The following PDE4B variants were observed in gnomAD, a reference collection of about 807,000 sequenced individuals.
The protein encoded by PDE4B is phosphodiesterase 4B.
Under a neutral mutation model 82.2 loss-of-function variants are expected in PDE4B, and 20 were observed. The observed-to-expected ratio is 0.24, with a 90% CI of 0.17 to 0.35. PDE4B has a LOEUF of 0.35. PDE4B is among the 10% of genes least tolerant of loss of function. The pLI, the probability that PDE4B is intolerant of heterozygous loss-of-function variation, is 1.00. For synonymous variants in PDE4B, 320 were observed against 318.9 expected (o/e 1.00, Z -0.04); for missense variants, 655 against 907.2 (o/e 0.72, Z 3.57).
chr1:66,043,023 G>A (rs775173439), intron 3 of PDE4B, among the ~76,000 whole-genome samples: 30 of 151,684 alleles, frequency 2.0e-4, no homozygotes, highest in Admixed American at 3.3e-4. Flanking sequence ...ATTATAAAAA[G>A]TCTAATGTGA....
chr1:66,296,424 A>G (rs2101826052), intron 7 of PDE4B, among the ~76,000 whole-genome samples: 1 of 152,266 alleles, frequency 6.6e-6, no homozygotes, highest in African/African-American at 2.4e-5. Context: ...CCTCATTGCA[A>G]TTCTTTTTCT....
chr1:66,107,472 A>C (rs975078843), intron 3 of PDE4B, among the ~76,000 whole-genome samples: 12 of 151,786 alleles, frequency 7.9e-5, no homozygotes, highest in Admixed American at 7.3e-4. Flanking sequence ...CACTTAAAAA[A>C]GGTTTTCAGC....
At chr1:66,029,283 G>A (rs1473343421) in intron 3 of PDE4B, among the ~76,000 whole-genome samples, 3 of 152,180 alleles carry the variant, frequency 2.0e-5, no homozygotes, top group East Asian at 3.9e-4. Context: ...GGGTAAGACC[G>A]GCTCCTGTGA....
rs542220077 is a variant in PDE4B at position 65,847,586 on chromosome 1, C to T, written c.-71+54338C>T. Among the ~76,000 whole-genome samples, 11 of 152,258 alleles carry T rather than the reference C, an allele frequency of 7.2e-5. No homozygotes were observed. The East Asian group carries it at 1.5e-3, about 21-fold the overall frequency. Reference sequence around the variant, plus strand: ...TATAGCAGAATGGATATCTCTAAAGCGTGGTGACCTGGTGAGTTGTCATGA... The same window carrying T: ...TATAGCAGAATGGATATCTCTAAAGTGTGGTGACCTGGTGAGTTGTCATGA... On this transcript the variant is annotated intron_variant, in intron 1 of 16. Transcript: ENST00000341517.
At chr1:66,119,489 C>A (rs970426197) in intron 3 of PDE4B, among the ~76,000 whole-genome samples, 1 of 74,750 alleles carries the variant, frequency 1.3e-5, no homozygotes, top group African/African-American at 5.4e-5. Flanking sequence ...TATTCACTTC[C>A]CAGGAGAAAT....
intron 7 of PDE4B, among the ~76,000 whole-genome samples, chr1:66,324,112 G>A (rs1344252962): frequency 6.6e-6 from 1 of 152,120 alleles, no homozygotes; most frequent in African/African-American, 2.4e-5. Flanking sequence ...AGAGTGGGAG[G>A]TAGACCAAAA....
chr1:65,853,153 A>G (rs558035275), intron 1 of PDE4B, among the ~76,000 whole-genome samples: 2 of 152,206 alleles, frequency 1.3e-5, no homozygotes, highest in Admixed American at 1.3e-4. Flanking sequence ...TGTCCTAATT[A>G]CATTCCTTGT....
chr1:66,361,079 A>G (rs1185745172), intron 9 of PDE4B, among the ~76,000 whole-genome samples: 1 of 152,212 alleles, frequency 6.6e-6, no homozygotes, highest in Admixed American at 6.5e-5. Context: ...TAACATATAT[A>G]CTGCTTATTT....
At chr1:66,061,755 A>G (rs1235721336) in intron 3 of PDE4B, among the ~76,000 whole-genome samples, 1 of 152,062 alleles carries the variant, frequency 6.6e-6, no homozygotes, top group Admixed American at 6.6e-5. Context: ...CAGGCCTGTC[A>G]GTGGGTGGAG....
chr1:66,213,758 T>A (rs1382620898), intron 3 of PDE4B, among the ~76,000 whole-genome samples: 1 of 152,204 alleles, frequency 6.6e-6, no homozygotes, highest in African/African-American at 2.4e-5. Context: ...TTAGATTGTT[T>A]GTGGATTTTG....
At chr1:65,855,450 A>G (rs775824819) in intron 1 of PDE4B, among the ~76,000 whole-genome samples, 4 of 152,134 alleles carry the variant, frequency 2.6e-5, no homozygotes, top group Middle Eastern at 3.2e-3. Context: ...TTCTAGAGGT[A>G]GATTAGTCCT....
chr1:65,931,084 G>A (rs1557440573), intron 3 of PDE4B, among the ~76,000 whole-genome samples: 1 of 152,178 alleles, frequency 6.6e-6, no homozygotes, highest in Non-Finnish European at 1.5e-5. Context: ...ATGAGTGAGT[G>A]AGTTATTGTG....
intron 3 of PDE4B, among the ~76,000 whole-genome samples, chr1:65,968,877 T>C (rs1208772763): frequency 2.0e-5 from 3 of 152,176 alleles, no homozygotes; most frequent in Non-Finnish European, 4.4e-5. Context: ...TATATTTTTA[T>C]TTCATTAAAG....
intron 3 of PDE4B, among the ~76,000 whole-genome samples, chr1:66,204,857 G>C (rs547420135): frequency 1.3e-5 from 2 of 152,282 alleles, no homozygotes; most frequent in East Asian, 3.9e-4. Context: ...CCACTCTTCT[G>C]CACCCACTGT....
chr1:65,814,382 G>C (rs922043217), intron 1 of PDE4B, among the ~76,000 whole-genome samples: 8 of 152,140 alleles, frequency 5.3e-5, no homozygotes, highest in Non-Finnish European at 1.0e-4. Flanking sequence ...AAAGATGAAT[G>C]TAATATATAT....
intron 1 of PDE4B, among the ~76,000 whole-genome samples, chr1:65,901,982 G>T (rs998036677): frequency 1.3e-5 from 2 of 151,864 alleles, no homozygotes; most frequent in African/African-American, 4.8e-5. Flanking sequence ...TTTTGTATGT[G>T]TCTCTATTTT....
intron 6 of PDE4B, among the ~76,000 whole-genome samples, chr1:66,258,385 T>C (rs1468414226): frequency 6.6e-6 from 1 of 152,254 alleles, no homozygotes; most frequent in African/African-American, 2.4e-5. Flanking sequence ...TAAATTAATG[T>C]TGCTGATCCT....
At chr1:66,142,221 G>C (rs558853361) in intron 3 of PDE4B, among the ~76,000 whole-genome samples, 4 of 152,134 alleles carry the variant, frequency 2.6e-5, no homozygotes, top group Non-Finnish European at 5.9e-5. Context: ...AGGGGTGGCA[G>C]AGGCAGAAGA....
intron 10 of PDE4B, 30 bp from the exon 11 acceptor site, chr1:66,363,138 T>C (rs759614725): frequency 6.8e-7 from 1 of 1,461,674 alleles, no homozygotes. Flanking sequence ...CTTTCCTTAT[T>C]CCTAAATTCC....
Sources: gnomAD v4.1 joint callset for allele counts (sites outside exome capture counted in the v4.1 genomes callset) on GRCh38, gnomAD v4.1.1 for gene constraint, MANE v1.5 for transcripts, NCBI Gene and HGNC (gene_info 2026-07-23, HGNC 2026-07-21) for gene names.